ACACA: variants seen among roughly 807,000 people sequenced by gnomAD.
ACACA encodes acetyl-CoA carboxylase 1.
In ACACA, 103 loss-of-function variants were observed where a neutral mutation model predicts 296.1. The observed-to-expected ratio is 0.35, with a 90% CI of 0.30 to 0.41. ACACA has a LOEUF of 0.41. ACACA is among the 10% of genes least tolerant of loss of function. ACACA has a pLI of 1.00. For missense variants in ACACA, 1,554 were observed against 2,989.7 expected, an observed-to-expected ratio of 0.52 and a Z score of 11.20; for synonymous variants, 953 against 1,038.6, an observed-to-expected ratio of 0.92 and a Z score of 1.58.
At chr17:37,125,988 C>CA (rs2074764722) in intron 47 of ACACA, among the ~76,000 whole-genome samples, 194 bp from the exon 48 acceptor site, 2 of 152,148 alleles carry the variant, frequency 1.3e-5, no homozygotes, top group African/African-American at 2.4e-5. Context: ...ATTTCATTTG[C>CA]TAGTCTGCAT....
In ACACA at chr17:37,378,827, C is replaced by T. The variant is rs536024780; in HGVS notation, c.38+27435G>A. The stretch of plus-strand genomic sequence containing the variant: ...CTGTAATCCCAGCACTTTGGGAGGC[C>T]AAGGTGGGAGGATTGCTTGAGCCCA... On this transcript the variant is annotated intron_variant, in intron 1 of 55. Coordinates refer to ENST00000616317, the MANE Select transcript of ACACA (RefSeq NM_198834.3). Among the ~76,000 whole-genome samples the T allele has an allele frequency of 1.5e-3, 226 of 152,228 alleles. 1 individual carries two copies. Among genetic ancestry groups the T allele is most frequent in the African/African-American group, 5.1e-3 (212 of 41,546 alleles).
In ACACA at chr17:37,238,334, G is replaced by GAA. The variant is rs1243840214; in HGVS notation, c.3121+2140_3121+2141dup. 9.3e-3 allele frequency among the ~76,000 whole-genome samples: 1,320 copies of GAA among 142,286 alleles called. 8 individuals are homozygous for GAA. Among genetic ancestry groups the GAA allele is most frequent in the African/African-American group, 0.011 (438 of 38,866 alleles). 93.3% of individuals were successfully genotyped at this position (142,286 alleles called of 152,430 possible). ...ACCCATTGTGCTGGTATCATTTATT[G>GAA]AAAAAAAAAAAATCTATCCTTTCCC... is the stretch of plus-strand genomic sequence containing the variant. On this transcript the variant is annotated intron_variant, in intron 24 of 55. Coordinates refer to ENST00000616317, the MANE Select transcript of ACACA (RefSeq NM_198834.3).
At chr17:37,371,171 C>T (rs907162633) in intron 1 of ACACA, among the ~76,000 whole-genome samples, 1 of 151,858 alleles carries the variant, frequency 6.6e-6, no homozygotes, top group East Asian at 2.0e-4. Flanking sequence ...CCTCCACCTC[C>T]CGCGTTCAAG....
At chr17:37,122,406 C>T in intron 49 of ACACA, 125 bp downstream of exon 49, 2 of 832,968 alleles carry the variant, frequency 2.4e-6, no homozygotes, top group Non-Finnish European at 4.2e-6. Flanking sequence ...GTTCTAAAAT[C>T]ATTCAAGGCT....
chr17:37,173,464 C>T (rs777252582), intron 41 of ACACA, among the ~76,000 whole-genome samples: 2 of 152,038 alleles, frequency 1.3e-5, no homozygotes, highest in African/African-American at 4.8e-5. Context: ...CTACCAACTC[C>T]TAAATTGTTT....
At chr17:37,174,890 C>A (rs966047827) in intron 41 of ACACA, among the ~76,000 whole-genome samples, 16 of 152,148 alleles carry the variant, frequency 1.1e-4, no homozygotes, top group African/African-American at 3.9e-4. Flanking sequence ...ACCAAGAATT[C>A]CAGTCTCTGA....
Position 37,234,244 on chromosome 17 carries a change from T to C in ACACA, c.3246+731A>G, listed in dbSNP as rs555669408. Among the ~76,000 whole-genome samples the C allele has an allele frequency of 2.6e-5, 4 of 152,222 alleles. No homozygotes were observed. In the East Asian group the frequency reaches 7.7e-4, roughly 29 times the overall value. On this transcript the variant is annotated intron_variant, in intron 25 of 55. Coordinates refer to ENST00000616317, the MANE Select transcript of ACACA (RefSeq NM_198834.3). The stretch of plus-strand genomic sequence containing the variant: ...ATGGGGTGAGGGACTCTAGGAGTAG[T>C]CCTACTGTACTAATTCCTACAACTA...
At chr17:37,233,710 G>T (rs2079972773) in intron 25 of ACACA, among the ~76,000 whole-genome samples, 2 of 151,914 alleles carry the variant, frequency 1.3e-5, no homozygotes, top group African/African-American at 4.8e-5. Context: ...CATCTAAATA[G>T]TCTTTCTTCC....
At chr17:37,327,712 G>A (rs1422195485) in intron 3 of ACACA, among the ~76,000 whole-genome samples, 2 of 152,214 alleles carry the variant, frequency 1.3e-5, no homozygotes, top group Non-Finnish European at 2.9e-5. Context: ...ACTCAAACTG[G>A]ACAGATTTCT....
chr17:37,240,564 C>T lies in ACACA; in HGVS notation c.3033G>A (p.Arg1011=), dbSNP rs1219006813. ...TGTGGCCTCGGATGCCACTTCGGTA[C>T]CTAGGCAAATAGAAAGTCTCCACTG... is the stretch of plus-strand genomic sequence containing the variant. ...NTQSIVQLVQ[R]YRSGIRGHMK... The change falls in exon 24 of 56, where the codon AGG becomes AGA. Residue 1011 remains arginine (R), a splice_region_variant and synonymous_variant. Coordinates refer to ENST00000616317, the MANE Select transcript of ACACA (RefSeq NM_198834.3). The T allele has an allele frequency of 1.2e-6, 2 of 1,611,592 alleles. No individual in the cohort carries two copies. The highest frequency in any genetic ancestry group is 2.2e-5 in the East Asian group (1 of 44,860).
At chr17:37,176,918 C>T (rs897899464) in intron 41 of ACACA, among the ~76,000 whole-genome samples, 3 of 152,176 alleles carry the variant, frequency 2.0e-5, no homozygotes, top group African/African-American at 4.8e-5. Flanking sequence ...ATCAGTCTAA[C>T]TCCTCCCAAG....
chr17:37,375,841 C>G (rs945970296), intron 1 of ACACA: 16 of 465,326 alleles, frequency 3.4e-5, no homozygotes, highest in African/African-American at 1.8e-4. Flanking sequence ...ATCTAGTTCT[C>G]TATGTCGGCA....
intron 1 of ACACA, among the ~76,000 whole-genome samples, chr17:37,385,007 G>A (rs765381508): frequency 3.9e-5 from 6 of 152,204 alleles, no homozygotes; most frequent in Non-Finnish European, 8.8e-5. Flanking sequence ...AGACGAGTGA[G>A]GTTATTTCCA....
intron 2 of ACACA, among the ~76,000 whole-genome samples, chr17:37,332,637 G>A (rs115493249): frequency 0.01 from 1,582 of 150,916 alleles, 33 homozygotes; most frequent in African/African-American, 0.035. Flanking sequence ...TTGGCCGGAC[G>A]CGGTGGCTCA....
At chr17:37,151,850 C>T (rs1008507327) in intron 43 of ACACA, among the ~76,000 whole-genome samples, 4 of 152,082 alleles carry the variant, frequency 2.6e-5, no homozygotes, top group Admixed American at 2.6e-4. Context: ...TCAGTAGGGA[C>T]GGGGTTTCAC....
intron 11 of ACACA, among the ~76,000 whole-genome samples, chr17:37,260,431 G>A (rs151117199): frequency 0.012 from 1,856 of 149,588 alleles, 17 homozygotes; most frequent in South Asian, 0.034. Flanking sequence ...AGCCTCCTGA[G>A]TAGCTGGGAT....
chr17:37,210,217 C>G (rs973939884), intron 30 of ACACA, among the ~76,000 whole-genome samples: 1 of 152,146 alleles, frequency 6.6e-6, no homozygotes, highest in Non-Finnish European at 1.5e-5. Flanking sequence ...AACCCCCTAT[C>G]ATACACAGCT....
chr17:37,266,566 C>T (rs1464853406), intron 10 of ACACA, among the ~76,000 whole-genome samples: 1 of 151,606 alleles, frequency 6.6e-6, no homozygotes, highest in Non-Finnish European at 1.5e-5. Flanking sequence ...GTCACAGGCA[C>T]TCTTGACTTG....
intron 1 of ACACA, among the ~76,000 whole-genome samples, chr17:37,382,821 C>G (rs2050360884): frequency 6.6e-6 from 1 of 152,268 alleles, no homozygotes; most frequent in East Asian, 1.9e-4. Flanking sequence ...GATCACGCCA[C>G]TGCACTCCAG....
Sources: allele counts gnomAD v4.1 joint callset (sites outside exome capture counted in the v4.1 genomes callset), GRCh38; gene constraint gnomAD v4.1.1; transcripts MANE v1.5; gene names NCBI Gene and HGNC (gene_info 2026-07-23, HGNC 2026-07-21).